ARFGEF3: variants seen among roughly 807,000 people sequenced by gnomAD.
ARFGEF3 encodes the protein ARFGEF family member 3.
ARFGEF3 carries 96 observed loss-of-function variants against 221.7 expected under a neutral mutation model. That is an observed-to-expected ratio of 0.43 (90% CI 0.37 to 0.51). The LOEUF is 0.51. ARFGEF3 is among the 20% of genes least tolerant of loss of function. ARFGEF3 has a pLI of 0.00. For synonymous variants in ARFGEF3, 1,145 were observed against 1,126.8 expected (o/e 1.02, Z -0.32); for missense variants, 2,410 against 2,789.9 (o/e 0.86, Z 3.07).
At chr6:138,323,809 T>C (rs1031716410) in intron 30 of ARFGEF3, 36 bp downstream of exon 30, 2 of 1,602,862 alleles carry the variant, frequency 1.2e-6, no homozygotes, top group African/African-American at 2.7e-5. Flanking sequence ...CTGGCACAGT[T>C]CTAACCATCT....
At chr6:138,267,364 G>A (rs1462869874) in intron 12 of ARFGEF3, among the ~76,000 whole-genome samples, 1 of 152,114 alleles carries the variant, frequency 6.6e-6, no homozygotes, top group Non-Finnish European at 1.5e-5. Context: ...GGCGGAGGTT[G>A]CAGTGAGCCG....
intron 14 of ARFGEF3, among the ~76,000 whole-genome samples, chr6:138,283,357 A>G (rs1779231095): frequency 6.6e-6 from 1 of 152,250 alleles, no homozygotes; most frequent in African/African-American, 2.4e-5. Flanking sequence ...CAGTTCCCAT[A>G]TTCATCAGTC....
chr6:138,285,841 A>G, intron 14 of ARFGEF3, 105 bp from the exon 15 acceptor site: 1 of 681,150 alleles, frequency 1.5e-6, no homozygotes, highest in South Asian at 1.7e-5. Context: ...TGAAACATAA[A>G]AGATACAAGG....
At chr6:138,295,075 G>A (rs1274728655) in intron 20 of ARFGEF3, among the ~76,000 whole-genome samples, 1 of 152,166 alleles carries the variant, frequency 6.6e-6, no homozygotes, top group Non-Finnish European at 1.5e-5. Context: ...CTCTGAGCCT[G>A]GGGGTAACCT....
In ARFGEF3 at chr6:138,228,630, A is replaced by G. The variant is rs183662270; in HGVS notation, c.352-1154A>G. Reference sequence around the variant, plus strand: ...ATCTTTTTTACCCCCCTTTAATTGCATACATACTTGCTTTCTCTGAAGGAG... The same window carrying G: ...ATCTTTTTTACCCCCCTTTAATTGCGTACATACTTGCTTTCTCTGAAGGAG... On this transcript the variant is annotated intron_variant, in intron 4 of 33. Coordinates refer to ENST00000251691, the MANE Select transcript of ARFGEF3 (RefSeq NM_020340.5). 2.3e-3 allele frequency among the ~76,000 whole-genome samples: 349 copies of G among 152,336 alleles called. 2 individuals are homozygous for G. Among genetic ancestry groups the G allele is most frequent in the Non-Finnish European group, 3.1e-3 (214 of 68,024 alleles).
At chr6:138,192,210 C>T (rs1367249644) in intron 2 of ARFGEF3, among the ~76,000 whole-genome samples, 1 of 152,138 alleles carries the variant, frequency 6.6e-6, no homozygotes, top group Admixed American at 6.5e-5. Context: ...CTGTCGGGGC[C>T]AGGCAAGGTG....
Position 138,338,236 on chromosome 6 carries a change from T to C in ARFGEF3, c.*1750T>C, listed in dbSNP as rs990188978. 1 of 152,264 alleles carries C rather than the reference T, an allele frequency of 6.6e-6. No homozygotes were observed. Among genetic ancestry groups the C allele is most frequent in the South Asian group, 2.1e-4 (1 of 4,836 alleles). The allele number at this position is 152,264 out of a possible 1,614,324, so 9.4% of individuals were successfully genotyped here. On this transcript the variant is annotated 3_prime_UTR_variant, in exon 34 of 34. Coordinates refer to ENST00000251691, the MANE Select transcript of ARFGEF3 (RefSeq NM_020340.5). ...ATGAATTGTTGGGATATCAGTGAACTATGTTGTATACTTTTGAATTTTTAC... is the reference window on the plus strand; with the variant it reads ...ATGAATTGTTGGGATATCAGTGAACCATGTTGTATACTTTTGAATTTTTAC...
At chr6:138,285,010 A>T (rs1466059405) in intron 14 of ARFGEF3, among the ~76,000 whole-genome samples, 8 of 152,194 alleles carry the variant, frequency 5.3e-5, no homozygotes, top group African/African-American at 1.7e-4. Context: ...TATGGGACCA[A>T]TGTCTTATAT....
At chr6:138,300,475 G>A (rs925492116) in intron 22 of ARFGEF3, among the ~76,000 whole-genome samples, 20 of 152,246 alleles carry the variant, frequency 1.3e-4, no homozygotes, top group East Asian at 5.8e-4. Context: ...TTAATCACTC[G>A]AAGACACTGA....
At chr6:138,239,673 AAG>A (rs1030979269) in intron 6 of ARFGEF3, among the ~76,000 whole-genome samples, 1 of 151,644 alleles carries the variant, frequency 6.6e-6, no homozygotes, top group Non-Finnish European at 1.5e-5. Context: ...AAAAAAAAGA[AAG>A]AAAATCTCAG....
intron 5 of ARFGEF3, among the ~76,000 whole-genome samples, chr6:138,231,876 C>T (rs1778199372): frequency 6.6e-6 from 1 of 152,186 alleles, no homozygotes; most frequent in Non-Finnish European, 1.5e-5. Flanking sequence ...AATAAGAGGG[C>T]ACCCTTCATT....
At chr6:138,196,586 C>T (rs1210403042) in intron 2 of ARFGEF3, among the ~76,000 whole-genome samples, 1 of 152,202 alleles carries the variant, frequency 6.6e-6, no homozygotes, top group African/African-American at 2.4e-5. Context: ...ATGCTGAGGA[C>T]ATTATTGTAC....
chr6:138,195,821 C>T (rs763476007), intron 2 of ARFGEF3, among the ~76,000 whole-genome samples: 10 of 152,088 alleles, frequency 6.6e-5, no homozygotes, highest in Admixed American at 2.0e-4. Flanking sequence ...AAAGAGCAGA[C>T]GCTTTCCACG....
intron 12 of ARFGEF3, 50 bp from the exon 13 acceptor site, chr6:138,278,401 G>C (rs368634590): frequency 1.8e-4 from 281 of 1,576,316 alleles, no homozygotes; most frequent in Non-Finnish European, 1.2e-4. Flanking sequence ...AGCCAGCCTT[G>C]CCAAGCACAC....
chr6:138,255,640 C>A lies in ARFGEF3; in HGVS notation c.975C>A (p.Ile325=), dbSNP rs983449555. The A allele has an allele frequency of 2.5e-6, 4 of 1,613,776 alleles. No individual in the cohort carries two copies. The highest frequency in any genetic ancestry group is 3.4e-6 in the Non-Finnish European group (4 of 1,179,882). ...SGPVARTIYY[I]AAELVRLVGS... is the part of the protein sequence containing the mutation. ...CTGTGGCTCGGACTATCTATTACAT[C>A]GCAGCCGAGCTGGTCCGGCTGGTGG... The change falls in exon 10 of 34, where the codon ATC becomes ATA. Residue 325 remains isoleucine (I), a synonymous_variant. Transcript: ENST00000251691.
rs1342678532 is a variant in ARFGEF3 at position 138,302,725 on chromosome 6, C to G, written c.3828+3940C>G. ...CTGACTTCTTCAGAAAGAATGAAGG[C>G]TAGAAGACAATGTAATGACATATTT... On this transcript the variant is annotated intron_variant, in intron 22 of 33. Coordinates refer to ENST00000251691, the MANE Select transcript of ARFGEF3 (RefSeq NM_020340.5). 2.0e-5 allele frequency among the ~76,000 whole-genome samples: 3 copies of G among 152,092 alleles called. No individual in the cohort carries two copies. The East Asian group carries it at 5.8e-4, about 29-fold the overall frequency.
At chr6:138,229,672 C>A in intron 4 of ARFGEF3, 112 bp from the exon 5 acceptor site, 1 of 800,624 alleles carries the variant, frequency 1.2e-6, no homozygotes, top group Non-Finnish European at 2.1e-6. Flanking sequence ...TTAGGTAAAG[C>A]AAATAGCAAA....
chr6:138,214,044 T>A (rs1426605237), intron 4 of ARFGEF3, among the ~76,000 whole-genome samples: 2 of 152,208 alleles, frequency 1.3e-5, no homozygotes, highest in African/African-American at 4.8e-5. Flanking sequence ...GTTTTATCCC[T>A]CTTCTCTCTG....
intron 14 of ARFGEF3, among the ~76,000 whole-genome samples, chr6:138,280,370 A>G (rs970898778): frequency 1.6e-4 from 24 of 152,160 alleles, no homozygotes; most frequent in African/African-American, 5.8e-4. Context: ...GGGAGTCTGT[A>G]GGGTTCACTG....
Sources: allele counts gnomAD v4.1 joint callset (sites outside exome capture counted in the v4.1 genomes callset), GRCh38; gene constraint gnomAD v4.1.1; transcripts MANE v1.5; gene names NCBI Gene and HGNC (gene_info 2026-07-23, HGNC 2026-07-21).